The following FRMD5 variants were observed in gnomAD, a reference collection of about 807,000 sequenced individuals.
FRMD5 encodes the protein FERM domain-containing protein 5.
A neutral mutation model predicts 69.0 loss-of-function variants in FRMD5; 20 were observed. The ratio of observed to expected loss-of-function variants is 0.29; its 90% CI spans 0.20 to 0.42. FRMD5 has a LOEUF of 0.42. Ranked by LOEUF, FRMD5 falls within the 10% of genes least tolerant of loss-of-function variation. FRMD5 has a pLI of 1.00. For missense variants in FRMD5, 595 were observed against 708.6 expected, an observed-to-expected ratio of 0.84 and a Z score of 1.82; for synonymous variants, 271 against 260.1, an observed-to-expected ratio of 1.04 and a Z score of -0.40.
chr15:43,976,999 T>C (rs989378563), intron 1 of FRMD5, among the ~76,000 whole-genome samples: 2 of 151,952 alleles, frequency 1.3e-5, no homozygotes, highest in African/African-American at 4.8e-5. Context: ...CCCAGCTAAT[T>C]TTTTTTGCAT....
At chr15:44,032,977 G>T (rs1000529222) in intron 1 of FRMD5, among the ~76,000 whole-genome samples, 8 of 152,120 alleles carry the variant, frequency 5.3e-5, no homozygotes, top group African/African-American at 1.9e-4. Context: ...ATCAATGACA[G>T]ATTGCATAAA....
At chr15:44,068,772 G>C (rs1893414586) in intron 1 of FRMD5, among the ~76,000 whole-genome samples, 1 of 152,194 alleles carries the variant, frequency 6.6e-6, no homozygotes, top group Non-Finnish European at 1.5e-5. Flanking sequence ...GTGTTGAAAA[G>C]ATTGCTAGCA....
At chr15:44,121,027 A>G (rs1177442771) in intron 1 of FRMD5, among the ~76,000 whole-genome samples, 1 of 152,150 alleles carries the variant, frequency 6.6e-6, no homozygotes, top group South Asian at 2.1e-4. Context: ...GGTAAAATCA[A>G]TCAGAAAGAA....
intron 1 of FRMD5, among the ~76,000 whole-genome samples, chr15:44,184,027 T>C (rs570526477): frequency 3.7e-4 from 56 of 152,164 alleles, no homozygotes; most frequent in African/African-American, 1.1e-3. Context: ...TCAACCTGCT[T>C]CTCCAGATTC....
At chr15:43,911,912 C>T (rs1056241931) in intron 4 of FRMD5, among the ~76,000 whole-genome samples, 1 of 152,104 alleles carries the variant, frequency 6.6e-6, no homozygotes, top group Non-Finnish European at 1.5e-5. Context: ...TAGCAGGTAA[C>T]TCTGAGAGGC....
At chr15:44,190,684 C>T (rs949163435) in intron 1 of FRMD5, among the ~76,000 whole-genome samples, 8 of 152,046 alleles carry the variant, frequency 5.3e-5, no homozygotes, top group East Asian at 1.9e-4. Flanking sequence ...CACAGCAAAA[C>T]GGTTTGTAAT....
In FRMD5 at chr15:43,952,002, G is replaced by GTGTGTGTGTGTGTGTGTC. The variant is rs2090042635; in HGVS notation, c.103-27694_103-27693insGACACACACACACACACA. 1.8e-4 allele frequency among the ~76,000 whole-genome samples: 5 copies of GTGTGTGTGTGTGTGTGTC among 27,458 alleles called. No homozygotes were observed. The East Asian group carries it at 0.013, about 73-fold the overall frequency. 18.0% of individuals were successfully genotyped at this position (27,458 alleles called of 152,430 possible). A position where few individuals can be genotyped will look rare whatever the true frequency, so the allele number is the denominator to read the frequency against. ...GTGTTGTGTGTGTGTGTGTGTGTCT[G>GTGTGTGTGTGTGTGTGTC]TGTGTGTGTGTGTGTGTGTGTGTGT... On this transcript the variant is annotated intron_variant, in intron 1 of 13. Transcript: ENST00000417257.
At chr15:43,899,512 G>A (rs2088994317) in intron 7 of FRMD5, among the ~76,000 whole-genome samples, 1 of 152,156 alleles carries the variant, frequency 6.6e-6, no homozygotes, top group Non-Finnish European at 1.5e-5. Flanking sequence ...CTCCTGGAAT[G>A]CCAGTCTTCT....
At chr15:44,092,522 C>T (rs1222149054) in intron 1 of FRMD5, among the ~76,000 whole-genome samples, 1 of 152,170 alleles carries the variant, frequency 6.6e-6, no homozygotes, top group African/African-American at 2.4e-5. Flanking sequence ...ATGAAGCTTA[C>T]ATTCTAATGA....
intron 1 of FRMD5, among the ~76,000 whole-genome samples, chr15:43,942,338 A>G (rs540396062): frequency 6.6e-6 from 1 of 152,344 alleles, no homozygotes; most frequent in African/African-American, 2.4e-5. Context: ...CCTCTCCTAG[A>G]GCAGTCTAGT....
Position 44,093,541 on chromosome 15 carries a change from T to A in FRMD5, c.102+101412A>T, listed in dbSNP as rs918713537. ...ATGCAAAAGCATGGATGAGAGACAATACTTGGTTGACAAAACACTGCAACC... is the reference window on the plus strand; with the variant it reads ...ATGCAAAAGCATGGATGAGAGACAAAACTTGGTTGACAAAACACTGCAACC... On this transcript the variant is annotated intron_variant, in intron 1 of 13. Transcript: ENST00000417257. Among the ~76,000 whole-genome samples the A allele has an allele frequency of 3.9e-5, 6 of 152,112 alleles. 1 individual carries two copies. The South Asian group carries it at 8.3e-4, about 21-fold the overall frequency.
At chr15:44,063,897 C>A in intron 1 of FRMD5, 1 of 272,216 alleles carries the variant, frequency 3.7e-6, no homozygotes, top group East Asian at 1.1e-4. Flanking sequence ...TCGACGTCCC[C>A]ATGTTTGTAA....
intron 1 of FRMD5, among the ~76,000 whole-genome samples, chr15:43,987,546 T>C (rs1230551657): frequency 6.6e-6 from 1 of 152,104 alleles, no homozygotes; most frequent in Non-Finnish European, 1.5e-5. Context: ...GGCACTTTAT[T>C]TCTATTATTA....
At chr15:44,110,888 T>C (rs534381709) in intron 1 of FRMD5, among the ~76,000 whole-genome samples, 13 of 152,350 alleles carry the variant, frequency 8.5e-5, no homozygotes, top group African/African-American at 2.9e-4. Flanking sequence ...TTGCCTATTA[T>C]TGCCCTTTTC....
In FRMD5 at chr15:43,873,162, C is replaced by T. The variant is rs1327741077; in HGVS notation, c.*723G>A. On this transcript the variant is annotated 3_prime_UTR_variant, in exon 14 of 14. Coordinates refer to ENST00000417257, the MANE Select transcript of FRMD5 (RefSeq NM_032892.5). ...CCCACTAGGCTCTAGACTAAGGGGA[C>T]AGACTTACCCCACCCCTGATGCTGC... The T allele has an allele frequency of 2.6e-6, 4 of 1,549,350 alleles. No individual in the cohort carries two copies. The highest frequency in any genetic ancestry group is 2.7e-5 in the African/African-American group (2 of 73,008).
At chr15:44,182,136 G>C (rs186074999) in intron 1 of FRMD5, among the ~76,000 whole-genome samples, 4 of 139,362 alleles carry the variant, frequency 2.9e-5, no homozygotes, top group African/African-American at 1.1e-4. Flanking sequence ...TCAGCCTCCC[G>C]AGTAGCTGGG....
chr15:44,051,464 T>C (rs961785212), intron 1 of FRMD5, among the ~76,000 whole-genome samples: 9 of 151,836 alleles, frequency 5.9e-5, no homozygotes, highest in Admixed American at 2.6e-4. Flanking sequence ...GTTGTAAACA[T>C]AGTACAGACT....
chr15:43,952,012 G>C (rs1031389105), intron 1 of FRMD5, among the ~76,000 whole-genome samples: 162 of 149,848 alleles, frequency 1.1e-3, no homozygotes, highest in African/African-American at 3.6e-3. Context: ...GTGTGTGTGT[G>C]TGTGTGTGTG....
chr15:44,196,420 C>T (rs913123392), upstream of FRMD5, among the ~76,000 whole-genome samples: 3 of 151,520 alleles, frequency 2.0e-5, no homozygotes, highest in Non-Finnish European at 2.9e-5. Flanking sequence ...ACCAAGATCA[C>T]GGCCATTGCA....
Sources: gnomAD v4.1 joint callset for allele counts (sites outside exome capture counted in the v4.1 genomes callset) on GRCh38, gnomAD v4.1.1 for gene constraint, MANE v1.5 for transcripts, NCBI Gene and HGNC (gene_info 2026-07-23, HGNC 2026-07-21) for gene names.